The following SEMA3D variants were observed in gnomAD, a reference collection of about 807,000 sequenced individuals.
SEMA3D encodes semaphorin-3D.
SEMA3D carries 84 observed loss-of-function variants against 100.1 expected under a neutral mutation model. The observed-to-expected ratio is 0.84, with a 90% CI of 0.70 to 1.01. The LOEUF is 1.01. Among genes scored for constraint, SEMA3D ranks in the 50% least tolerant of loss-of-function variants. The pLI is 0.00. For synonymous variants in SEMA3D, 312 were observed against 320.7 expected, an observed-to-expected ratio of 0.97 and a Z score of 0.29; for missense variants, 875 against 934.1, an observed-to-expected ratio of 0.94 and a Z score of 0.82.
At chr7:85,146,575 T>A (rs907426601) in intron 2 of SEMA3D, among the ~76,000 whole-genome samples, 6 of 151,506 alleles carry the variant, frequency 4.0e-5, no homozygotes, top group East Asian at 3.9e-4. Context: ...ATATATATAT[T>A]TTTTACTTAA....
chr7:85,157,850 A>G lies in SEMA3D; in HGVS notation c.-172-4111T>C, dbSNP rs183067017. ...GGACCGGCTGAAGTCATGGCAGAAGAACATAAATTGTGAAGATTTCATGGA... is the reference window on the plus strand; with the variant it reads ...GGACCGGCTGAAGTCATGGCAGAAGGACATAAATTGTGAAGATTTCATGGA... On this transcript the variant is annotated intron_variant, in intron 1 of 18. Transcript: ENST00000284136. Among the ~76,000 whole-genome samples the G allele has an allele frequency of 3.6e-3, 553 of 152,302 alleles. 3 individuals are homozygous for G. The highest frequency in any genetic ancestry group is 0.013 in the African/African-American group (533 of 41,580).
the SEMA3D span, among the ~76,000 whole-genome samples, chr7:85,231,693 GC>G: frequency 6.6e-6 from 1 of 151,890 alleles, no homozygotes; most frequent in Non-Finnish European, 1.5e-5. Context: ...TTTGTGATCC[GC>G]CCCCCTCAGC....
At chr7:85,126,760 G>A (rs1355485742) in intron 2 of SEMA3D, among the ~76,000 whole-genome samples, 2 of 151,964 alleles carry the variant, frequency 1.3e-5, no homozygotes, top group Non-Finnish European at 2.9e-5. Context: ...AAAAAAACTC[G>A]AAAGCCAAAG....
At chr7:85,155,291 T>C (rs1001153442) in intron 1 of SEMA3D, among the ~76,000 whole-genome samples, 1 of 152,182 alleles carries the variant, frequency 6.6e-6, no homozygotes, top group African/African-American at 2.4e-5. Flanking sequence ...TCTTGTAAGT[T>C]AAATATATAT....
At chr7:85,149,422 TG>T (rs1161998059) in intron 2 of SEMA3D, among the ~76,000 whole-genome samples, 2 of 152,150 alleles carry the variant, frequency 1.3e-5, no homozygotes, top group African/African-American at 4.8e-5. Context: ...CGTTCCAGCC[TG>T]GATGACAGAG....
chr7:85,145,845 A>G (rs967454349), intron 2 of SEMA3D, among the ~76,000 whole-genome samples: 4 of 152,176 alleles, frequency 2.6e-5, no homozygotes, highest in Admixed American at 6.5e-5. Context: ...TTGTATTTGC[A>G]TATAACCTAC....
intron 4 of SEMA3D, among the ~76,000 whole-genome samples, chr7:85,090,554 T>A (rs975979884): frequency 3.3e-5 from 5 of 152,210 alleles, no homozygotes; most frequent in African/African-American, 1.2e-4. Context: ...ATTAAAAGAC[T>A]GATGATTTTG....
At chr7:85,100,572 AG>A (rs1253680768) in intron 3 of SEMA3D, among the ~76,000 whole-genome samples, 1 of 151,952 alleles carries the variant, frequency 6.6e-6, no homozygotes, top group Non-Finnish European at 1.5e-5. Context: ...TTAATTGATG[AG>A]AAAGATAAAA....
At chr7:85,173,152 G>A (rs887559870) in intron 1 of SEMA3D, among the ~76,000 whole-genome samples, 1 of 151,932 alleles carries the variant, frequency 6.6e-6, no homozygotes, top group Non-Finnish European at 1.5e-5. Flanking sequence ...GACAGAGAGA[G>A]AAAAGGGAGA....
At chr7:85,122,005 T>C in intron 2 of SEMA3D, 74 bp from the exon 3 acceptor site, 3 of 679,154 alleles carry the variant, frequency 4.4e-6, no homozygotes, top group Non-Finnish European at 7.1e-6. Flanking sequence ...CCAAATACCA[T>C]ATCATCTCAC....
the SEMA3D span, among the ~76,000 whole-genome samples, chr7:85,223,538 TTG>T: frequency 5.5e-3 from 821 of 148,448 alleles, 5 homozygotes; most frequent in African/African-American, 0.018. Context: ...TATCATATAT[TTG>T]TGTGTGTGTG....
intron 17 of SEMA3D, among the ~76,000 whole-genome samples, chr7:85,008,699 T>A (rs187202702): frequency 1.4e-3 from 218 of 151,832 alleles, no homozygotes; most frequent in African/African-American, 4.9e-3. Context: ...ACACAGTTTA[T>A]GTGTGAATAA....
chr7:85,227,004 A>C, the SEMA3D span, among the ~76,000 whole-genome samples: 7 of 152,194 alleles, frequency 4.6e-5, no homozygotes, highest in East Asian at 1.3e-3. Context: ...AAATAAAAAT[A>C]AGATTGAATT....
At chr7:85,028,517 G>T in intron 12 of SEMA3D, 1 of 331,670 alleles carries the variant, frequency 3.0e-6, no homozygotes, top group Admixed American at 4.7e-5. Flanking sequence ...CACCTACTTA[G>T]GTGGAGAGGA....
chr7:85,198,947 C>A, the SEMA3D span, among the ~76,000 whole-genome samples: 1 of 149,784 alleles, frequency 6.7e-6, no homozygotes, highest in African/African-American at 2.4e-5. Flanking sequence ...CATACATTTT[C>A]TTACGATTAC....
intron 8 of SEMA3D, among the ~76,000 whole-genome samples, chr7:85,062,950 T>C (rs952256808): frequency 2.6e-5 from 4 of 152,068 alleles, no homozygotes; most frequent in African/African-American, 7.2e-5. Flanking sequence ...GCTAAAGAGA[T>C]AGTAGAGAAT....
intron 3 of SEMA3D, among the ~76,000 whole-genome samples, chr7:85,102,083 A>G (rs796119121): frequency 1.3e-5 from 2 of 149,968 alleles, no homozygotes; most frequent in African/African-American, 4.8e-5. Flanking sequence ...CCAGTTATGT[A>G]TATAAAACAC....
the SEMA3D span, among the ~76,000 whole-genome samples, chr7:85,215,234 G>T: frequency 6.6e-6 from 1 of 150,838 alleles, no homozygotes; most frequent in East Asian, 2.0e-4. Context: ...TTTAGAAGTT[G>T]TCTGTGCAAA....
the SEMA3D span, among the ~76,000 whole-genome samples, chr7:85,228,604 T>C: frequency 6.6e-6 from 1 of 152,106 alleles, no homozygotes; most frequent in African/African-American, 2.4e-5. Context: ...CTCTTGATCG[T>C]ATTCCTTCCT....
Sources: gnomAD v4.1 joint callset for allele counts (sites outside exome capture counted in the v4.1 genomes callset) on GRCh38, gnomAD v4.1.1 for gene constraint, MANE v1.5 for transcripts, NCBI Gene and HGNC (gene_info 2026-07-23, HGNC 2026-07-21) for gene names.